Variants in ZNF398 observed in about 807,000 individuals in gnomAD.
The protein encoded by ZNF398 is zinc finger protein 398, also known as zinc finger DNA binding protein ZER6.
ZNF398 carries 18 observed loss-of-function variants against 41.9 expected under a neutral mutation model. The observed-to-expected ratio is 0.43, with a 90% CI of 0.30 to 0.64. The LOEUF is 0.64. Among genes scored for constraint, ZNF398 ranks in the 30% least tolerant of loss-of-function variants. The pLI is 0.14. For missense variants in ZNF398, 669 were observed against 822.8 expected, an observed-to-expected ratio of 0.81 and a Z score of 2.29; for synonymous variants, 260 against 308.8, an observed-to-expected ratio of 0.84 and a Z score of 1.66.
chr7:149,134,392 G>T (rs879819724), intron 2 of ZNF398, among the ~76,000 whole-genome samples: 20 of 150,566 alleles, frequency 1.3e-4, no homozygotes, highest in Non-Finnish European at 1.9e-4. Flanking sequence ...CGCTCAGCCC[G>T]TTTTTGTCTT....
At chr7:149,128,755 A>AAAATAAAATAAAATAAAATAAAATAAAAT (rs1563151346) in intron 1 of ZNF398, 1 of 112,662 alleles carries the variant, frequency 8.9e-6, no homozygotes, top group Non-Finnish European at 1.7e-5. Context: ...TCTGTCTCAA[A>AAAATAAAATAAAATAAAATAAAATAAAAT]AAAATAAAAT....
intron 2 of ZNF398, among the ~76,000 whole-genome samples, chr7:149,140,507 C>T (rs1336629351): frequency 3.9e-5 from 6 of 152,136 alleles, no homozygotes; most frequent in East Asian, 1.9e-4. Flanking sequence ...GCCTCAGCCC[C>T]CTAGTAGCTG....
intron 4 of ZNF398, among the ~76,000 whole-genome samples, chr7:149,171,894 C>G (rs1393275880): frequency 6.6e-6 from 1 of 152,086 alleles, no homozygotes; most frequent in African/African-American, 2.4e-5. Context: ...GTCTCAAACA[C>G]CTGGACTTAA....
At position 149,156,879 on chromosome 7, in the gene ZNF398, T is replaced by G. The variant is rs923477965; in HGVS notation, c.420+2539T>G. On this transcript the variant is annotated intron_variant, in intron 2 of 5. Coordinates refer to ENST00000475153, the MANE Select transcript of ZNF398 (RefSeq NM_170686.3). ...TCCATTTCAAAAAAAAAAAAAAGAATAATTATAAATTTACTGTGTGGTAAT... is the reference window on the plus strand; with the variant it reads ...TCCATTTCAAAAAAAAAAAAAAGAAGAATTATAAATTTACTGTGTGGTAAT... Among the ~76,000 whole-genome samples, 13 of 145,894 alleles carry G rather than the reference T, an allele frequency of 8.9e-5. No homozygotes were observed. In the South Asian group the frequency reaches 1.9e-3, roughly 22 times the overall value.
chr7:149,167,658 G>A lies in ZNF398; in HGVS notation c.661+728G>A, dbSNP rs1050610414. Among the ~76,000 whole-genome samples, 281 of 131,292 alleles carry A rather than the reference G, an allele frequency of 2.1e-3. 2 individuals are homozygous for A. Among genetic ancestry groups the A allele is most frequent in the African/African-American group, 7.6e-3 (260 of 34,154 alleles). The allele number at this position is 131,292 out of a possible 152,430, so 86.1% of individuals were successfully genotyped here. The stretch of plus-strand genomic sequence containing the variant: ...TCTTTTTTTTTTTTTTTTTTGAGAC[G>A]GAGTCTTGCTCATGCGATCTCGACT... On this transcript the variant is annotated intron_variant, in intron 4 of 5. Coordinates refer to ENST00000475153, the MANE Select transcript of ZNF398 (RefSeq NM_170686.3).
intron 4 of ZNF398, 83 bp downstream of exon 4, chr7:149,167,013 C>T (rs1478714452): frequency 1.1e-5 from 10 of 870,502 alleles, no homozygotes; most frequent in Non-Finnish European, 1.8e-5. Flanking sequence ...GGCTTAGGGG[C>T]TTCTAGAGCC....
chr7:149,155,547 G>T (rs564546065), intron 2 of ZNF398, among the ~76,000 whole-genome samples: 1 of 152,072 alleles, frequency 6.6e-6, no homozygotes, highest in South Asian at 2.1e-4. Flanking sequence ...AACCTCCATA[G>T]ATGATTCTAA....
At chr7:149,169,665 T>C (rs1339324015) in intron 4 of ZNF398, among the ~76,000 whole-genome samples, 1 of 152,124 alleles carries the variant, frequency 6.6e-6, no homozygotes, top group African/African-American at 2.4e-5. Context: ...TTGCCCGGGC[T>C]GGTTTTGAAC....
chr7:149,127,149 C>T (rs148703924), intron 1 of ZNF398, among the ~76,000 whole-genome samples: 1,623 of 152,172 alleles, frequency 0.011, 14 homozygotes, highest in Middle Eastern at 0.034. Context: ...GAAGGGGAAA[C>T]CAGGGAGAGA....
upstream of ZNF398, among the ~76,000 whole-genome samples, chr7:149,143,324 T>C (rs372026585): frequency 6.6e-6 from 1 of 152,230 alleles, no homozygotes; most frequent in Non-Finnish European, 1.5e-5. Flanking sequence ...GATTTACCAA[T>C]AACCAATGGT....
At chr7:149,155,726 T>A (rs919121215) in intron 2 of ZNF398, among the ~76,000 whole-genome samples, 37,892 of 91,510 alleles carry the variant, frequency 0.41, 6,944 homozygotes, top group South Asian at 0.59. Flanking sequence ...TTTTTTTTTT[T>A]TTTAATTTTT....
chr7:149,130,610 C>G (rs1393071661), intron 2 of ZNF398, among the ~76,000 whole-genome samples: 1 of 152,122 alleles, frequency 6.6e-6, no homozygotes, highest in African/African-American at 2.4e-5. Context: ...CATGAGAGTT[C>G]AGTTGGCCCA....
At chr7:149,150,898 T>A (rs989293334) in intron 1 of ZNF398, among the ~76,000 whole-genome samples, 3 of 152,234 alleles carry the variant, frequency 2.0e-5, no homozygotes, top group Non-Finnish European at 4.4e-5. Context: ...TTAGTAGAGA[T>A]AGGGTTTCAC....
rs902563194 is a variant in ZNF398 at position 149,166,535 on chromosome 7, C to T, written c.547+251C>T. 1.4e-4 allele frequency among the ~76,000 whole-genome samples: 22 copies of T among 152,174 alleles called. 1 individual carries two copies. Among genetic ancestry groups the T allele is most frequent in the Non-Finnish European group, 2.9e-4 (20 of 68,044 alleles). On this transcript the variant is annotated intron_variant, in intron 3 of 5. Coordinates refer to ENST00000475153, the MANE Select transcript of ZNF398 (RefSeq NM_170686.3). ...GCTGGTGGTTTCCATGGGTATCCTT[C>T]ACTTGGAAAGGAGCTTGACTTCTCC...
chr7:149,144,291 A>G (rs1212378186), upstream of ZNF398, among the ~76,000 whole-genome samples: 1 of 152,184 alleles, frequency 6.6e-6, no homozygotes, highest in Non-Finnish European at 1.5e-5. Context: ...TTCTTGCCTT[A>G]TAACATCAAA....
rs140517830 is a variant in ZNF398 at position 149,174,765 on chromosome 7, G to T, written c.662-1703G>T. On this transcript the variant is annotated intron_variant, in intron 4 of 5. Coordinates refer to ENST00000475153, the MANE Select transcript of ZNF398 (RefSeq NM_170686.3). Reference sequence around the variant, plus strand: ...AGCTTGAGCCTGGGAGGCAGAGATTGCAGTAAGCCAAGATTACGCCACTGT... The same window carrying T: ...AGCTTGAGCCTGGGAGGCAGAGATTTCAGTAAGCCAAGATTACGCCACTGT... 6.5e-3 allele frequency among the ~76,000 whole-genome samples: 991 copies of T among 152,286 alleles called. 15 individuals are homozygous for T. The highest frequency in any genetic ancestry group is 4.9e-3 in the Non-Finnish European group (332 of 68,020).
At position 149,181,548 on chromosome 7, in the gene ZNF398, T is replaced by C. The variant is rs1005483418; in HGVS notation, c.*1747T>C. 4 of 152,228 alleles carry C rather than the reference T, an allele frequency of 2.6e-5. No individual in the cohort carries two copies. The highest frequency in any genetic ancestry group is 7.2e-5 in the African/African-American group (3 of 41,460). The allele number at this position is 152,228 out of a possible 1,614,324, so 9.4% of individuals were successfully genotyped here. A position where few individuals can be genotyped will look rare whatever the true frequency, so the allele number is the denominator to read the frequency against. ...GCCCATCCTTCACTCTCTCTAGTTATGCATAACAACACTAGAAGAAGGTGT... is the reference window on the plus strand; with the variant it reads ...GCCCATCCTTCACTCTCTCTAGTTACGCATAACAACACTAGAAGAAGGTGT... On this transcript the variant is annotated 3_prime_UTR_variant, in exon 6 of 6. Transcript: ENST00000475153.
At chr7:149,169,360 C>T (rs1000608861) in intron 4 of ZNF398, among the ~76,000 whole-genome samples, 32 of 152,330 alleles carry the variant, frequency 2.1e-4, no homozygotes, top group Admixed American at 1.3e-3. Flanking sequence ...GCTGGGATTA[C>T]AGGCATGAGC....
At chr7:149,151,238 G>A (rs1275613144) in intron 1 of ZNF398, 2 of 1,236,630 alleles carry the variant, frequency 1.6e-6, no homozygotes, top group Non-Finnish European at 2.1e-6. Flanking sequence ...CAGGAATGGA[G>A]AAAGAATGAT....
Sources: gnomAD v4.1 joint callset for allele counts (sites outside exome capture counted in the v4.1 genomes callset) on GRCh38, gnomAD v4.1.1 for gene constraint, MANE v1.5 for transcripts, NCBI Gene and HGNC (gene_info 2026-07-23, HGNC 2026-07-21) for gene names.